Variants in FREM2 observed in about 807,000 individuals in gnomAD.
FREM2 encodes FRAS1 related extracellular matrix 2.
Under a neutral mutation model 219.9 loss-of-function variants are expected in FREM2, and 119 were observed. That is an observed-to-expected ratio of 0.54 (90% CI 0.47 to 0.63). The LOEUF (loss-of-function observed/expected upper bound fraction) is 0.63. FREM2 is among the 30% of genes least tolerant of loss of function. The probability of loss-of-function intolerance (pLI) is 0.00; values close to 1 mark genes in which losing one functional copy is unlikely to be tolerated. For synonymous variants in FREM2, 1,562 were observed against 1,522.8 expected (o/e 1.03, Z -0.60); for missense variants, 4,030 against 3,993.6 (o/e 1.01, Z -0.25).
In FREM2 at chr13:38,691,584, A is replaced by G. The variant is rs773064087; in HGVS notation, c.4240A>G (p.Ile1414Val). 3.0e-5 allele frequency: 49 copies of G among 1,614,082 alleles called. No homozygotes were observed. The highest frequency in any genetic ancestry group is 3.5e-5 in the Non-Finnish European group (41 of 1,180,052). The change falls in exon 1 of 24, where the codon ATC becomes GTC. Residue 1414 changes from isoleucine (I) to valine (V), a missense_variant. Ile to Val is a conservative substitution (Grantham distance 29, BLOSUM62 3). Coordinates refer to ENST00000280481, the MANE Select transcript of FREM2 (RefSeq NM_207361.6). ...PLIDRYFYVSIGSIDIVFPDV... is the reference protein window; with the variant it reads ...PLIDRYFYVSVGSIDIVFPDV... Reference sequence around the variant, plus strand: ...CATAGATCGTTACTTTTATGTGTCCATCGGGAGCATTGACATTGTCTTCCC... The same window carrying G: ...CATAGATCGTTACTTTTATGTGTCCGTCGGGAGCATTGACATTGTCTTCCC...
At chr13:38,792,547 A>T (rs750262328) in intron 6 of FREM2, among the ~76,000 whole-genome samples, 1 of 152,150 alleles carries the variant, frequency 6.6e-6, no homozygotes, top group South Asian at 2.1e-4. Flanking sequence ...TAATTATTCT[A>T]TGTTATTTAT....
At chr13:38,818,949 A>G (rs756588741) in intron 6 of FREM2, among the ~76,000 whole-genome samples, 1 of 152,150 alleles carries the variant, frequency 6.6e-6, no homozygotes, top group Non-Finnish European at 1.5e-5. Flanking sequence ...GAGATAATGC[A>G]TGATGTGCTG....
intron 2 of FREM2, among the ~76,000 whole-genome samples, chr13:38,723,952 G>A (rs1385791671): frequency 6.6e-6 from 1 of 152,202 alleles, no homozygotes; most frequent in Admixed American, 6.5e-5. Flanking sequence ...GACGAAGGAT[G>A]CAAGCCAAGA....
rs772174061 is a variant in FREM2, at chr13:38,689,131, T to C, written c.1787T>C (p.Leu596Pro). Residue 596 changes from leucine (L) to proline (P), a missense_variant, in exon 1 of 24, where the codon CTG becomes CCG. Leu to Pro is a moderately conservative substitution (Grantham distance 98). Coordinates refer to ENST00000280481, the MANE Select transcript of FREM2 (RefSeq NM_207361.6). ...GACATGGATTCAGATGATTCTCTGC[T>C]GCTTTTTGTGCTGGAGTCACCCTTC... The part of the protein sequence containing the change: ...ATDMDSDDSL[L>P]LFVLESPFLT... The C allele has an allele frequency of 6.2e-7, 1 of 1,613,858 alleles. No homozygotes were observed. The highest frequency in any genetic ancestry group is 8.5e-7 in the Non-Finnish European group (1 of 1,180,024).
intron 2 of FREM2, among the ~76,000 whole-genome samples, chr13:38,749,303 A>T (rs1029451497): frequency 3.9e-5 from 6 of 152,204 alleles, no homozygotes; most frequent in African/African-American, 1.4e-4. Context: ...TACTTTCTGC[A>T]ACAAGAGAAT....
Position 38,769,823 on chromosome 13 carries a change from C to A in FREM2, c.5641+15C>A. 6.3e-7 allele frequency: 1 copy of A among 1,592,106 alleles called. No individual in the cohort carries two copies. Among genetic ancestry groups the A allele is most frequent in the Non-Finnish European group, 8.6e-7 (1 of 1,159,948 alleles). ...TCCAGGAGATGGTAAGAGCCATCGT[C>A]AACTGGTTTATGTTGTTGCTGTTGG... On this transcript the variant is annotated intron_variant, in intron 4 of 23. Coordinates refer to ENST00000280481, the MANE Select transcript of FREM2 (RefSeq NM_207361.6).
intron 6 of FREM2, among the ~76,000 whole-genome samples, chr13:38,816,365 A>G (rs1299762418): frequency 1.3e-5 from 2 of 152,218 alleles, no homozygotes; most frequent in African/African-American, 4.8e-5. Flanking sequence ...CCAACAGCAT[A>G]TTAAACAAAT....
intron 6 of FREM2, among the ~76,000 whole-genome samples, chr13:38,805,518 G>A (rs1200902780): frequency 6.6e-6 from 1 of 151,884 alleles, no homozygotes; most frequent in African/African-American, 2.4e-5. Flanking sequence ...CCAGGCAATA[G>A]GCCGGTAAAA....
chr13:38,722,726 A>G (rs1418316981), intron 2 of FREM2, among the ~76,000 whole-genome samples: 1 of 147,150 alleles, frequency 6.8e-6, no homozygotes, highest in Non-Finnish European at 1.5e-5. Context: ...ATAATCAAGC[A>G]GAGGGTGTAG....
chr13:38,860,711 C>A (rs767776704), intron 14 of FREM2, among the ~76,000 whole-genome samples: 1 of 152,122 alleles, frequency 6.6e-6, no homozygotes, highest in Admixed American at 6.5e-5. Context: ...TATAATTCAG[C>A]GTCTTGGTTC....
chr13:38,791,600 C>G (rs1874563912), intron 6 of FREM2, among the ~76,000 whole-genome samples: 1 of 152,090 alleles, frequency 6.6e-6, no homozygotes. Context: ...GAGTGAGAGC[C>G]AAGCAAAGGG....
At chr13:38,759,163 A>C (rs1040340703) in intron 2 of FREM2, among the ~76,000 whole-genome samples, 2 of 152,214 alleles carry the variant, frequency 1.3e-5, no homozygotes. Context: ...AGCTTTTAAA[A>C]ATTTCTGTAG....
intron 6 of FREM2, among the ~76,000 whole-genome samples, chr13:38,810,347 A>G (rs1014981512): frequency 3.3e-5 from 5 of 152,126 alleles, no homozygotes; most frequent in African/African-American, 1.2e-4. Flanking sequence ...TGAGACATCC[A>G]GTTATATGTT....
chr13:38,871,408 T>A (rs571131148), intron 16 of FREM2, among the ~76,000 whole-genome samples: 38 of 152,344 alleles, frequency 2.5e-4, no homozygotes, highest in Middle Eastern at 6.8e-3. Context: ...TGGAGTGTGA[T>A]CTGACCTAAG....
chr13:38,826,727 C>A (rs1285005722), intron 6 of FREM2, among the ~76,000 whole-genome samples: 2 of 152,186 alleles, frequency 1.3e-5, no homozygotes, highest in East Asian at 1.9e-4. Context: ...AAATAAATCA[C>A]CCTCATGTCA....
intron 6 of FREM2, among the ~76,000 whole-genome samples, chr13:38,800,554 G>T (rs1874970041): frequency 2.0e-5 from 3 of 152,094 alleles, no homozygotes. Flanking sequence ...AGTTACATCT[G>T]TTTGGGGATA....
At chr13:38,869,644 AAC>A (rs1486815435) in intron 16 of FREM2, among the ~76,000 whole-genome samples, 1 of 152,238 alleles carries the variant, frequency 6.6e-6, no homozygotes, top group African/African-American at 2.4e-5. Flanking sequence ...CTAAAATATA[AAC>A]ACAGATAAAT....
intron 15 of FREM2, among the ~76,000 whole-genome samples, chr13:38,863,658 C>G (rs1380459882): frequency 6.6e-6 from 1 of 152,036 alleles, no homozygotes; most frequent in Non-Finnish European, 1.5e-5. Flanking sequence ...CAATCTGTTG[C>G]AATTTATCAT....
rs1348747997 is a variant in FREM2 at position 38,813,555 on chromosome 13, CTCTCTCTCTATATATATATATA to C, written c.6019+28749_6019+28770del. Among the ~76,000 whole-genome samples the C allele has an allele frequency of 7.1e-4, 16 of 22,542 alleles. 2 individuals carry two copies. Among genetic ancestry groups the C allele is most frequent in the African/African-American group, 3.5e-3 (16 of 4,588 alleles). 14.8% of individuals were successfully genotyped at this position (22,542 alleles called of 152,430 possible). On this transcript the variant is annotated intron_variant, in intron 6 of 23. Coordinates refer to ENST00000280481, the MANE Select transcript of FREM2 (RefSeq NM_207361.6). ...TCTCTCTCTCTCTCTCTCTCTCTCT[CTCTCTCTCTATATATATATATA>C]TATATATATATATATCCCTCTCTCT... is the stretch of plus-strand genomic sequence containing the variant.
Sources: gnomAD v4.1 joint callset for allele counts (sites outside exome capture counted in the v4.1 genomes callset) on GRCh38, gnomAD v4.1.1 for gene constraint, MANE v1.5 for transcripts, NCBI Gene and HGNC (gene_info 2026-07-23, HGNC 2026-07-21) for gene names.